DENND5B: variants seen among roughly 807,000 people sequenced by gnomAD.
DENND5B encodes DENN domain-containing protein 5B.
Under a neutral mutation model 140.6 loss-of-function variants are expected in DENND5B, and 34 were observed. The ratio of observed to expected loss-of-function variants is 0.24; its 90% CI spans 0.18 to 0.32. The LOEUF is 0.32. Among genes scored for constraint, DENND5B ranks in the 10% least tolerant of loss-of-function variants. The probability of loss-of-function intolerance (pLI) is 1.00; values close to 1 mark genes in which losing one functional copy is unlikely to be tolerated. For missense variants in DENND5B, 1,142 were observed against 1,560.2 expected, an observed-to-expected ratio of 0.73 and a Z score of 4.52; for synonymous variants, 551 against 562.1, an observed-to-expected ratio of 0.98 and a Z score of 0.28.
chr12:31,392,303 T>C lies in DENND5B; in HGVS notation c.3430A>G (p.Ile1144Val), dbSNP rs1941189314. ...VFHHGFKSAR[I>V]FHKNVFIWDF... is the part of the protein sequence containing the mutation. The stretch of plus-strand genomic sequence containing the variant: ...CAGATGAAGACATTCTTGTGAAAGA[T>C]GCGGGCAGATTTGAACCCATGGTGG... The change falls in exon 19 of 21, where the codon ATC becomes GTC. Residue 1144 changes from isoleucine to valine, a missense_variant. Physicochemically the swap from Ile to Val is conservative, Grantham distance 29 (BLOSUM62 3). This residue lies in a region of DENND5B where 125 missense variants were observed against 179.0 expected (regional missense o/e 0.70). Transcript: ENST00000389082. The C allele has an allele frequency of 1.9e-6, 3 of 1,613,818 alleles. No homozygotes were observed. The highest frequency in any genetic ancestry group is 3.3e-5 in the Admixed American group (2 of 59,980).
chr12:31,452,965 G>C (rs1944606442), intron 4 of DENND5B, among the ~76,000 whole-genome samples: 1 of 152,142 alleles, frequency 6.6e-6, no homozygotes, highest in African/African-American at 2.4e-5. Context: ...TAGGTAAAAT[G>C]CTCACTGTAT....
In DENND5B at chr12:31,452,205, G is replaced by C; in HGVS notation, c.1364C>G (p.Ala455Gly). 1 of 1,613,954 alleles carries C rather than the reference G, an allele frequency of 6.2e-7. No homozygotes were observed. ...YELLKGNETI[A>G]RLQALAKRTG... The stretch of plus-strand genomic sequence containing the variant: ...ACGCTTGGCCAGAGCCTGCAAGCGG[G>C]CTATGGTTTCATTGCCCTTCAGTAA... Residue 455 changes from alanine to glycine, a missense_variant, in exon 5 of 21, where the codon GCC becomes GGC. Transcript: ENST00000389082.
At position 31,447,632 on chromosome 12, in the gene DENND5B, A is replaced by G; in HGVS notation, c.1767T>C (p.Phe589=). 1 of 1,613,978 alleles carries G rather than the reference A, an allele frequency of 6.2e-7. No individual in the cohort carries two copies. The highest frequency in any genetic ancestry group is 8.5e-7 in the Non-Finnish European group (1 of 1,179,878). Reference sequence around the variant, plus strand: ...GCCTTATCTTATCAATCCGAGTGTCAAAGACCCGAAGCAAAGGATCTTTCT... The same window carrying G: ...GCCTTATCTTATCAATCCGAGTGTCGAAGACCCGAAGCAAAGGATCTTTCT... ...WEEKDPLLRV[F]DTRIDKIRLY... Residue 589 remains phenylalanine, a synonymous_variant, in exon 6 of 21, where the codon TTT becomes TTC. Transcript: ENST00000389082.
chr12:31,470,120 TTTTTTTTTC>T (rs1014437617), intron 3 of DENND5B, among the ~76,000 whole-genome samples: 7 of 144,002 alleles, frequency 4.9e-5, no homozygotes, highest in African/African-American at 1.6e-4. Flanking sequence ...GCTTTTTTTT[TTTTTTTTTC>T]TTTGGAGATG....
chr12:31,580,679 G>C (rs2679493), intron 1 of DENND5B, among the ~76,000 whole-genome samples: 11,851 of 152,096 alleles, frequency 0.078, 1,055 homozygotes, highest in African/African-American at 0.22. Context: ...ATTTCTAGTA[G>C]AGACAGAGTT....
At chr12:31,453,805 A>G (rs1006544140) in intron 4 of DENND5B, among the ~76,000 whole-genome samples, 7 of 152,116 alleles carry the variant, frequency 4.6e-5, no homozygotes, top group African/African-American at 1.4e-4. Context: ...TTAGATACCA[A>G]TTAGCAAGCA....
At chr12:31,436,130 A>C (rs1422634726) in intron 7 of DENND5B, among the ~76,000 whole-genome samples, 3 of 147,992 alleles carry the variant, frequency 2.0e-5, no homozygotes, top group Non-Finnish European at 4.5e-5. Flanking sequence ...TTTGAGACGG[A>C]GTCTCAGGCT....
intron 5 of DENND5B, among the ~76,000 whole-genome samples, chr12:31,450,518 G>A (rs984543457): frequency 2.6e-5 from 4 of 151,988 alleles, no homozygotes; most frequent in African/African-American, 4.8e-5. Context: ...CACCATGCCC[G>A]GCTAATTTTA....
intron 13 of DENND5B, among the ~76,000 whole-genome samples, chr12:31,412,330 T>C (rs1206949325): frequency 6.6e-6 from 1 of 152,168 alleles, no homozygotes; most frequent in Non-Finnish European, 1.5e-5. Context: ...GTTTCCCGGC[T>C]CTAAACCAGT....
intron 1 of DENND5B, among the ~76,000 whole-genome samples, chr12:31,497,696 C>A (rs542579938): frequency 4.2e-5 from 6 of 143,518 alleles, no homozygotes; most frequent in Non-Finnish European, 9.0e-5. Context: ...CTTTGGGAGG[C>A]TGAGGTGGGC....
At chr12:31,428,342 CAA>C (rs142549648) in intron 8 of DENND5B, among the ~76,000 whole-genome samples, 16 of 139,054 alleles carry the variant, frequency 1.2e-4, no homozygotes, top group Non-Finnish European at 1.1e-4. Context: ...GACTCCATCT[CAA>C]AAAAAAAAAA....
intron 6 of DENND5B, among the ~76,000 whole-genome samples, chr12:31,446,881 C>T (rs1356178331): frequency 7.4e-5 from 10 of 135,938 alleles, no homozygotes; most frequent in Non-Finnish European, 1.3e-4. Flanking sequence ...AGTGAGACTC[C>T]GCCTCAAAAA....
At position 31,426,364 on chromosome 12, in the gene DENND5B, G is replaced by A. The variant is rs746674411; in HGVS notation, c.2167C>T (p.Leu723Phe). The A allele has an allele frequency of 1.2e-6, 2 of 1,612,282 alleles. No homozygotes were observed. Among genetic ancestry groups the A allele is most frequent in the Non-Finnish European group, 1.7e-6 (2 of 1,179,104 alleles). Residue 723 changes from leucine to phenylalanine, a missense_variant, in exon 9 of 21, where the codon CTC becomes TTC. This residue lies in a region of DENND5B where 708 missense variants were observed against 905.5 expected (regional missense o/e 0.78). Transcript: ENST00000389082. ...KNLRQPKLSDLSPAVIAQTNC... is the reference protein window; with the variant it reads ...KNLRQPKLSDFSPAVIAQTNC... Reference sequence around the variant, plus strand: ...GTCTGTGCAATAACTGCAGGAGAGAGGTCTGACAGTTTGGGTTGCCTCAGG... The same window carrying A: ...GTCTGTGCAATAACTGCAGGAGAGAAGTCTGACAGTTTGGGTTGCCTCAGG...
At chr12:31,417,819 C>T (rs574789867) in intron 11 of DENND5B, among the ~76,000 whole-genome samples, 5 of 152,164 alleles carry the variant, frequency 3.3e-5, no homozygotes, top group Admixed American at 6.6e-5. Context: ...ACATCATACT[C>T]AGCAAATACA....
intron 4 of DENND5B, among the ~76,000 whole-genome samples, chr12:31,457,724 T>C (rs1370564469): frequency 6.6e-6 from 1 of 151,932 alleles, no homozygotes; most frequent in African/African-American, 2.4e-5. Context: ...TTTTCTTTTT[T>C]TTTTTTTGAG....
chr12:31,496,907 G>A (rs1946781327), intron 1 of DENND5B, among the ~76,000 whole-genome samples: 1 of 152,044 alleles, frequency 6.6e-6, no homozygotes, highest in South Asian at 2.1e-4. Flanking sequence ...GGAACTAGAA[G>A]ATCTTGCAAC....
chr12:31,391,740 C>A (rs1941154282), intron 19 of DENND5B, among the ~76,000 whole-genome samples: 1 of 152,154 alleles, frequency 6.6e-6, no homozygotes, highest in Non-Finnish European at 1.5e-5. Context: ...GCAGCCTTCA[C>A]CTCCTAGGCT....
chr12:31,493,681 A>AT (rs1946620404), intron 2 of DENND5B, among the ~76,000 whole-genome samples: 1 of 152,054 alleles, frequency 6.6e-6, no homozygotes, highest in African/African-American at 2.4e-5. Flanking sequence ...AATACAAAAG[A>AT]TTAGCTGGGC....
At chr12:31,495,402 A>T (rs112164659) in intron 2 of DENND5B, among the ~76,000 whole-genome samples, 1 of 43,754 alleles carries the variant, frequency 2.3e-5, no homozygotes, top group Non-Finnish European at 3.7e-5. Context: ...TTTTTGAGAC[A>T]GAGTCTCGCT....
Sources: gnomAD v4.1 joint callset for allele counts (sites outside exome capture counted in the v4.1 genomes callset) on GRCh38, gnomAD v4.1.1 for gene constraint, gnomAD v4.1.1 regional missense constraint, MANE v1.5 for transcripts, NCBI Gene and HGNC (gene_info 2026-07-23, HGNC 2026-07-21) for gene names.